MAP3K9: variants seen among roughly 807,000 people sequenced by gnomAD.
MAP3K9 encodes mitogen-activated protein kinase kinase kinase 9, also known as mixed lineage kinase 1 (tyr and ser/thr specificity).
MAP3K9 carries 46 observed loss-of-function variants against 95.8 expected under a neutral mutation model. That is an observed-to-expected ratio of 0.48 (90% confidence interval 0.38 to 0.61). The LOEUF is 0.61. Among genes scored for constraint, MAP3K9 ranks in the 20% least tolerant of loss-of-function variants. MAP3K9 has a pLI of 0.00. For missense variants in MAP3K9, 1,296 were observed against 1,474.3 expected, an observed-to-expected ratio of 0.88 and a Z score of 1.98; for synonymous variants, 533 against 593.8, an observed-to-expected ratio of 0.90 and a Z score of 1.49.
At chr14:70,761,252 T>C in intron 2 of MAP3K9, 70 bp from the exon 3 acceptor site, 1 of 1,302,270 alleles carries the variant, frequency 7.7e-7, no homozygotes, top group South Asian at 1.3e-5. Flanking sequence ...AGAACAGAAC[T>C]CTTCTGCCAT....
Position 70,724,468 on chromosome 14 carries a change from G to A in MAP3K9, c.*5912C>T, listed in dbSNP as rs1022051606. The A allele has an allele frequency of 4.6e-5, 7 of 152,168 alleles. No individual in the cohort carries two copies. The highest frequency in any genetic ancestry group is 1.7e-4 in the African/African-American group (7 of 41,434). 9.4% of individuals were successfully genotyped at this position (152,168 alleles called of 1,614,324 possible). On this transcript the variant is annotated 3_prime_UTR_variant, in exon 12 of 12. Coordinates refer to ENST00000554752, the MANE Select transcript of MAP3K9 (RefSeq NM_001284230.2). ...TACCTAAGCCCCTCTCACAGGTCCA[G>A]GTGAGGGGCAGGCAGGGCTGGGTAT...
At chr14:70,786,855 C>A (rs902073134) in intron 2 of MAP3K9, among the ~76,000 whole-genome samples, 1 of 152,176 alleles carries the variant, frequency 6.6e-6, no homozygotes, top group African/African-American at 2.4e-5. Flanking sequence ...ACCCACAGTC[C>A]TTTTCTCCTT....
At chr14:70,778,936 A>T (rs2139820903) in intron 2 of MAP3K9, among the ~76,000 whole-genome samples, 1 of 152,326 alleles carries the variant, frequency 6.6e-6, no homozygotes, top group East Asian at 1.9e-4. Context: ...TAGAATGTAC[A>T]GAGGAAGGGG....
chr14:70,760,731 T>C (rs1566746521), intron 3 of MAP3K9, among the ~76,000 whole-genome samples: 2 of 152,114 alleles, frequency 1.3e-5, no homozygotes, highest in Admixed American at 6.6e-5. Flanking sequence ...GGAGTACATG[T>C]TGCCCCTGGA....
chr14:70,742,416 C>G lies in MAP3K9; in HGVS notation c.1502G>C (p.Arg501Pro). 2 of 1,614,200 alleles carry G rather than the reference C, an allele frequency of 1.2e-6. No homozygotes were observed. The highest frequency in any genetic ancestry group is 1.1e-5 in the South Asian group (1 of 91,088). Residue 501 changes from arginine (R) to proline (P), a missense_variant, in exon 6 of 12, where the codon CGC becomes CCC. This residue lies in a region of MAP3K9 where 377 missense variants were observed against 417.1 expected (regional missense o/e 0.90). Transcript: ENST00000554752. ...LCQEKPRVKK[R>P]KGKFRKSRLK... ...CCGGCTCTTCCTGAACTTGCCCTTG[C>G]GTTTCTTCACCCGGGGCTTCTCCTG...
At chr14:70,779,140 GAGGTA>G (rs1387103863) in intron 2 of MAP3K9, among the ~76,000 whole-genome samples, 2 of 152,210 alleles carry the variant, frequency 1.3e-5, no homozygotes, top group African/African-American at 4.8e-5. Flanking sequence ...GAACTTTCAT[GAGGTA>G]GAAAGGGAGA....
In MAP3K9 at chr14:70,758,381, T is replaced by A. The variant is rs191699643; in HGVS notation, c.1001+2621A>T. Reference sequence around the variant, plus strand: ...GATAGACATAATAATAACTTTTTTTTTAAAAAAAGGCAATAACAAGTATTG... The same window carrying A: ...GATAGACATAATAATAACTTTTTTTATAAAAAAAGGCAATAACAAGTATTG... On this transcript the variant is annotated intron_variant, in intron 3 of 11. Transcript: ENST00000554752. Among the ~76,000 whole-genome samples the A allele has an allele frequency of 9.6e-3, 1,463 of 152,096 alleles. 17 individuals carry two copies. Among genetic ancestry groups the A allele is most frequent in the African/African-American group, 0.029 (1,185 of 41,486 alleles).
At chr14:70,808,714 C>A in intron 1 of MAP3K9, 52 bp downstream of exon 1, 1 of 1,245,778 alleles carries the variant, frequency 8.0e-7, no homozygotes, top group Non-Finnish European at 1.0e-6. Flanking sequence ...CCCCGACCGC[C>A]CCCCAGGCCT....
intron 2 of MAP3K9, among the ~76,000 whole-genome samples, chr14:70,795,519 C>G (rs1470869299): frequency 2.0e-5 from 3 of 147,598 alleles, no homozygotes; most frequent in African/African-American, 7.5e-5. Flanking sequence ...GTTGTGTTGC[C>G]TAGGCTGGTC....
intron 5 of MAP3K9, among the ~76,000 whole-genome samples, chr14:70,743,933 T>C (rs977758396): frequency 2.0e-5 from 3 of 152,204 alleles, no homozygotes; most frequent in African/African-American, 7.2e-5. Flanking sequence ...CTATTCACAA[T>C]AGCAAAGACT....
chr14:70,770,692 T>C (rs1414163874), intron 2 of MAP3K9, among the ~76,000 whole-genome samples: 1 of 152,176 alleles, frequency 6.6e-6, no homozygotes, highest in African/African-American at 2.4e-5. Flanking sequence ...GTTAAATCAA[T>C]GGCACAATGA....
At chr14:70,774,091 C>G (rs17108510) in intron 2 of MAP3K9, among the ~76,000 whole-genome samples, 79,287 of 152,032 alleles carry the variant, frequency 0.52, 20,745 homozygotes, top group South Asian at 0.62. Flanking sequence ...GTTAATCAAC[C>G]TGAAATCTAT....
chr14:70,759,108 G>A (rs2054335565), intron 3 of MAP3K9, among the ~76,000 whole-genome samples: 1 of 152,168 alleles, frequency 6.6e-6, no homozygotes, highest in South Asian at 2.1e-4. Context: ...GATTAGGGAA[G>A]GACTGATAAT....
At chr14:70,767,069 C>T (rs952248253) in intron 2 of MAP3K9, among the ~76,000 whole-genome samples, 2 of 152,098 alleles carry the variant, frequency 1.3e-5, no homozygotes, top group African/African-American at 4.8e-5. Context: ...AGGAACCAAG[C>T]ACAGGACCAG....
intron 2 of MAP3K9, among the ~76,000 whole-genome samples, chr14:70,763,474 G>GTACC (rs1208661175): frequency 8.7e-6 from 1 of 115,332 alleles, no homozygotes; most frequent in African/African-American, 3.4e-5. Context: ...ATACAATTAT[G>GTACC]TACCATACAT....
At chr14:70,747,357 G>C (rs544343066) in intron 5 of MAP3K9, among the ~76,000 whole-genome samples, 2 of 152,216 alleles carry the variant, frequency 1.3e-5, no homozygotes, top group African/African-American at 4.8e-5. Flanking sequence ...CCTTTGCTGG[G>C]CACTTATTTC....
At chr14:70,768,497 G>A (rs2054488007) in intron 2 of MAP3K9, among the ~76,000 whole-genome samples, 1 of 151,924 alleles carries the variant, frequency 6.6e-6, no homozygotes, top group South Asian at 2.1e-4. Flanking sequence ...GATTTGAAGT[G>A]TTAGAGAGGA....
chr14:70,743,831 T>C (rs1294127033), intron 5 of MAP3K9, among the ~76,000 whole-genome samples: 1 of 152,170 alleles, frequency 6.6e-6, no homozygotes, highest in African/African-American at 2.4e-5. Flanking sequence ...GAAATACCAT[T>C]TGACCCAGCA....
chr14:70,787,015 T>A (rs1252954321), intron 2 of MAP3K9, among the ~76,000 whole-genome samples: 2 of 152,074 alleles, frequency 1.3e-5, no homozygotes, highest in Non-Finnish European at 2.9e-5. Context: ...ACACCGTGAA[T>A]AAAACAGCAG....
Sources: allele counts gnomAD v4.1 joint callset (sites outside exome capture counted in the v4.1 genomes callset), GRCh38; gene constraint gnomAD v4.1.1; regional missense constraint gnomAD v4.1.1; transcripts MANE v1.5; gene names NCBI Gene and HGNC (gene_info 2026-07-23, HGNC 2026-07-21).